The following LSAMP variants were observed in gnomAD, a reference collection of about 807,000 sequenced individuals.
LSAMP encodes limbic system-associated membrane protein.
A neutral mutation model predicts 38.6 loss-of-function variants in LSAMP; 7 were observed. That is an observed-to-expected ratio of 0.18 (90% CI 0.10 to 0.34). LSAMP has a LOEUF of 0.34. Among genes scored for constraint, LSAMP ranks in the 10% least tolerant of loss-of-function variants. The pLI is 1.00. For synonymous variants in LSAMP, 154 were observed against 166.8 expected (o/e 0.92, Z 0.59); for missense variants, 313 against 420.0 (o/e 0.75, Z 2.23).
chr3:116,055,546 C>T (rs34844901), intron 2 of LSAMP, among the ~76,000 whole-genome samples: 19,736 of 151,174 alleles, frequency 0.13, 1,379 homozygotes, highest in Non-Finnish European at 0.15. Flanking sequence ...AAGACACTGC[C>T]CTGCCTCACA....
intron 3 of LSAMP, among the ~76,000 whole-genome samples, chr3:115,964,976 A>T (rs370120724): frequency 6.6e-6 from 1 of 152,146 alleles, no homozygotes; most frequent in Non-Finnish European, 1.5e-5. Context: ...ATTGACCAAC[A>T]GATTTAATGT....
intron 1 of LSAMP, among the ~76,000 whole-genome samples, chr3:116,281,447 T>C (rs765978560): frequency 6.6e-6 from 1 of 152,114 alleles, no homozygotes; most frequent in Non-Finnish European, 1.5e-5. Context: ...AACTGATAAA[T>C]GCAAACAGAG....
At chr3:116,398,439 T>A (rs923656259) in intron 1 of LSAMP, among the ~76,000 whole-genome samples, 2 of 151,832 alleles carry the variant, frequency 1.3e-5, no homozygotes, top group Admixed American at 1.3e-4. Flanking sequence ...ATTCAAATAC[T>A]CATGAATCAA....
intron 1 of LSAMP, among the ~76,000 whole-genome samples, chr3:116,166,189 C>T (rs1420785687): frequency 1.3e-5 from 2 of 152,168 alleles, no homozygotes; most frequent in South Asian, 2.1e-4. Context: ...CTTTCAGCAG[C>T]CTTCTGCCAT....
intron 2 of LSAMP, among the ~76,000 whole-genome samples, chr3:116,060,763 AAAACAAAC>A (rs1217160265): frequency 6.6e-6 from 1 of 152,174 alleles, no homozygotes; most frequent in Non-Finnish European, 1.5e-5. Context: ...TCCATCTCAA[AAAACAAAC>A]AAACAAAACA....
At chr3:116,244,925 G>A (rs1362057355) in intron 1 of LSAMP, among the ~76,000 whole-genome samples, 2 of 152,124 alleles carry the variant, frequency 1.3e-5, no homozygotes, top group Admixed American at 6.5e-5. Flanking sequence ...TGGTTCGAGT[G>A]TTCAGAGTCC....
chr3:115,973,173 G>A lies in LSAMP; in HGVS notation c.514+46342C>T, dbSNP rs80123756. Among the ~76,000 whole-genome samples, 588 of 152,224 alleles carry A rather than the reference G, an allele frequency of 3.9e-3. 3 individuals are homozygous for A. Among genetic ancestry groups the A allele is most frequent in the African/African-American group, 0.013 (551 of 41,552 alleles). On this transcript the variant is annotated intron_variant, in intron 3 of 6. Coordinates refer to ENST00000490035, the MANE Select transcript of LSAMP (RefSeq NM_002338.5). ...TCTTAGTCAATGGGTAATAAAAAGC[G>A]ATTAAACATTTTGGGGTAGGAGAAT... is the stretch of plus-strand genomic sequence containing the variant.
intron 3 of LSAMP, among the ~76,000 whole-genome samples, chr3:115,935,087 G>GA (rs200731075): frequency 4.8e-5 from 7 of 147,148 alleles, no homozygotes; most frequent in East Asian, 2.0e-4. Context: ...CAAATAATGA[G>GA]AAAAAAAAAG....
chr3:116,392,563 G>A lies in LSAMP; in HGVS notation c.155+52314C>T, dbSNP rs138986944. On this transcript the variant is annotated intron_variant, in intron 1 of 6. Coordinates refer to ENST00000490035, the MANE Select transcript of LSAMP (RefSeq NM_002338.5). Reference sequence around the variant, plus strand: ...GAGGACAGCCTGGTGCTGGCCTGAAGGTGCCCCTTGGCATGAAAAGCCTGG... The same window carrying A: ...GAGGACAGCCTGGTGCTGGCCTGAAAGTGCCCCTTGGCATGAAAAGCCTGG... Among the ~76,000 whole-genome samples, 941 of 152,366 alleles carry A rather than the reference G, an allele frequency of 6.2e-3. 9 individuals are homozygous for A. The highest frequency in any genetic ancestry group is 0.021 in the African/African-American group (893 of 41,598).
chr3:116,115,822 C>T (rs569676267), intron 1 of LSAMP, among the ~76,000 whole-genome samples: 1 of 151,932 alleles, frequency 6.6e-6, no homozygotes, highest in South Asian at 2.1e-4. Flanking sequence ...TTGAGTATGA[C>T]TTTTTTTGTT....
chr3:116,065,039 T>C (rs1461260285), intron 2 of LSAMP, among the ~76,000 whole-genome samples: 4 of 152,242 alleles, frequency 2.6e-5, no homozygotes, highest in African/African-American at 4.8e-5. Flanking sequence ...TTTTGTCAGA[T>C]GGACATTTAC....
Position 116,435,432 on chromosome 3 carries a change from G to C in LSAMP, c.155+9445C>G, listed in dbSNP as rs56288785. Among the ~76,000 whole-genome samples, 327 of 152,198 alleles carry C rather than the reference G, an allele frequency of 2.1e-3. 1 individual carries two copies. The highest frequency in any genetic ancestry group is 7.4e-3 in the African/African-American group (306 of 41,522). On this transcript the variant is annotated intron_variant, in intron 1 of 6. Transcript: ENST00000490035. Reference sequence around the variant, plus strand: ...CCTGCCTCCCTATGGGACTACCTAGGGGGTGCTGGCCTGTTATTTCTCCTT... The same window carrying C: ...CCTGCCTCCCTATGGGACTACCTAGCGGGTGCTGGCCTGTTATTTCTCCTT...
At chr3:116,252,479 G>T (rs1009442293) in intron 1 of LSAMP, among the ~76,000 whole-genome samples, 4 of 152,090 alleles carry the variant, frequency 2.6e-5, no homozygotes, top group Non-Finnish European at 4.4e-5. Context: ...AGTAGCTAAA[G>T]AATTTTGTCA....
chr3:115,850,131 G>A (rs1315107522), intron 4 of LSAMP, among the ~76,000 whole-genome samples: 1 of 152,110 alleles, frequency 6.6e-6, no homozygotes, highest in Non-Finnish European at 1.5e-5. Context: ...ACTAGCAAAA[G>A]CTCACATTTT....
chr3:115,812,383 T>G (rs1933866265), intron 6 of LSAMP, among the ~76,000 whole-genome samples: 2 of 152,194 alleles, frequency 1.3e-5, no homozygotes, highest in Admixed American at 1.3e-4. Flanking sequence ...ATTCTGTATC[T>G]TGCATGAAAG....
At chr3:116,057,233 G>C (rs1345677305) in intron 2 of LSAMP, among the ~76,000 whole-genome samples, 2 of 152,178 alleles carry the variant, frequency 1.3e-5, no homozygotes, top group African/African-American at 2.4e-5. Flanking sequence ...TGAAACAGGA[G>C]AGAAACAAGA....
At chr3:116,302,618 A>T (rs2047425100) in intron 1 of LSAMP, among the ~76,000 whole-genome samples, 1 of 152,254 alleles carries the variant, frequency 6.6e-6, no homozygotes, top group South Asian at 2.1e-4. Context: ...TATTTGATTT[A>T]GTCCAGATGG....
At chr3:115,876,738 A>AT (rs370431986) in intron 3 of LSAMP, among the ~76,000 whole-genome samples, 2 of 151,730 alleles carry the variant, frequency 1.3e-5, no homozygotes, top group South Asian at 2.1e-4. Context: ...CTTTCATTCT[A>AT]TTTTTTTCTT....
At chr3:116,180,925 T>C (rs572443494) in intron 1 of LSAMP, among the ~76,000 whole-genome samples, 18 of 152,100 alleles carry the variant, frequency 1.2e-4, no homozygotes, top group Admixed American at 9.2e-4. Context: ...ATATGATTTG[T>C]AGAATATTGA....
Sources: allele counts gnomAD v4.1 joint callset (sites outside exome capture counted in the v4.1 genomes callset), GRCh38; gene constraint gnomAD v4.1.1; transcripts MANE v1.5; gene names NCBI Gene and HGNC (gene_info 2026-07-23, HGNC 2026-07-21).